Variants in GSG1L observed in about 807,000 individuals in gnomAD.
The protein encoded by GSG1L is GSG1 like.
In GSG1L, 24 loss-of-function variants were observed where a neutral mutation model predicts 42.1. The observed-to-expected ratio is 0.57, with a 90% CI of 0.41 to 0.80. The LOEUF is 0.80. Among genes scored for constraint, GSG1L ranks in the 30% least tolerant of loss-of-function variants. GSG1L has a pLI of 0.00. For synonymous variants in GSG1L, 215 were observed against 203.5 expected (o/e 1.06, Z -0.48); for missense variants, 445 against 472.2 (o/e 0.94, Z 0.53).
chr16:27,894,712 G>A (rs872929), intron 2 of GSG1L, among the ~76,000 whole-genome samples: 5 of 152,132 alleles, frequency 3.3e-5, no homozygotes. Context: ...AGAGGCCATG[G>A]AGAGCTGTAG....
chr16:27,994,701 T>C (rs1476136576), intron 1 of GSG1L, among the ~76,000 whole-genome samples: 1 of 152,146 alleles, frequency 6.6e-6, no homozygotes, highest in Admixed American at 6.5e-5. Flanking sequence ...AAAATCATAG[T>C]AGAAGATGAA....
chr16:28,022,335 GT>G (rs2085854055), intron 1 of GSG1L, among the ~76,000 whole-genome samples: 1 of 152,060 alleles, frequency 6.6e-6, no homozygotes, highest in African/African-American at 2.4e-5. Context: ...ACATGTTTTT[GT>G]TTTTTAGGAG....
At chr16:27,845,192 A>G (rs1458158954) in intron 3 of GSG1L, 131 bp from the exon 4 acceptor site, 1 of 585,770 alleles carries the variant, frequency 1.7e-6, no homozygotes, top group Non-Finnish European at 3.1e-6. Flanking sequence ...CCTCTGGGTA[A>G]GGGAGGTCAG....
chr16:27,917,643 G>A (rs1296382743), intron 2 of GSG1L, among the ~76,000 whole-genome samples: 1 of 152,178 alleles, frequency 6.6e-6, no homozygotes, highest in Non-Finnish European at 1.5e-5. Flanking sequence ...TCCCAAGGCA[G>A]TGGGGAAGTA....
At position 27,979,796 on chromosome 16, in the gene GSG1L, GGAAA is replaced by G. The variant is rs200495167; in HGVS notation, c.350-16597_350-16594del. Reference sequence around the variant, plus strand: ...AAAGAAAGAAAGAAAAAGAAAGAAAGGAAAGAAAGAAAGAAAGAAAAGAAAGAAA... The same window carrying G: ...AAAGAAAGAAAGAAAAAGAAAGAAAGGAAAGAAAGAAAGAAAAGAAAGAAA... On this transcript the variant is annotated intron_variant, in intron 1 of 6. Coordinates refer to ENST00000447459, the MANE Select transcript of GSG1L (RefSeq NM_001109763.2). Among the ~76,000 whole-genome samples the G allele has an allele frequency of 8.6e-3, 1,034 of 120,090 alleles. 9 individuals are homozygous for G. The highest frequency in any genetic ancestry group is 0.028 in the Middle Eastern group (6 of 218). The allele number at this position is 120,090 out of a possible 152,430, so 78.8% of individuals were successfully genotyped here.
intron 1 of GSG1L, among the ~76,000 whole-genome samples, chr16:28,026,214 A>G (rs1485115381): frequency 6.6e-6 from 1 of 152,148 alleles, no homozygotes; most frequent in African/African-American, 2.4e-5. Flanking sequence ...GTCTCGCAAG[A>G]TCTTGCAGGT....
chr16:27,825,606 A>T (rs1316747329), intron 5 of GSG1L, among the ~76,000 whole-genome samples: 1 of 152,134 alleles, frequency 6.6e-6, no homozygotes, highest in Non-Finnish European at 1.5e-5. Context: ...GGCTGCAGTG[A>T]GCTGTGCTTG....
At chr16:27,842,737 T>C (rs1476382578) in intron 4 of GSG1L, among the ~76,000 whole-genome samples, 2 of 152,154 alleles carry the variant, frequency 1.3e-5, no homozygotes, top group Admixed American at 6.5e-5. Context: ...AAGGATGGAA[T>C]TGAGCAGAGA....
At chr16:27,799,642 G>A (rs1274393743) in intron 6 of GSG1L, among the ~76,000 whole-genome samples, 1 of 152,162 alleles carries the variant, frequency 6.6e-6, no homozygotes, top group Non-Finnish European at 1.5e-5. Flanking sequence ...TGATGCAGGA[G>A]GGGAAGGCGA....
At chr16:27,996,668 T>G (rs1169664709) in intron 1 of GSG1L, among the ~76,000 whole-genome samples, 1 of 152,240 alleles carries the variant, frequency 6.6e-6, no homozygotes, top group Non-Finnish European at 1.5e-5. Flanking sequence ...TCTCTTGACA[T>G]TCTCCATCAG....
Position 27,816,817 on chromosome 16 carries a change from G to A in GSG1L, c.831-9263C>T, listed in dbSNP as rs577000469. On this transcript the variant is annotated intron_variant, in intron 5 of 6. Coordinates refer to ENST00000447459, the MANE Select transcript of GSG1L (RefSeq NM_001109763.2). ...CCCTGGAGCTAGAGCGAGTTTCCAC[G>A]GTACCCTGCCGACTCCCAGCAGGCA... Among the ~76,000 whole-genome samples, 36 of 152,226 alleles carry A rather than the reference G, an allele frequency of 2.4e-4. 1 individual carries two copies. The highest frequency in any genetic ancestry group is 8.5e-4 in the Admixed American group (13 of 15,292).
intron 5 of GSG1L, among the ~76,000 whole-genome samples, chr16:27,809,578 GA>G (rs33949097): frequency 0.18 from 25,593 of 145,890 alleles, 2,248 homozygotes; most frequent in Middle Eastern, 0.22. Flanking sequence ...CCCCGTCTGA[GA>G]AAAAAAAAAA....
intron 1 of GSG1L, among the ~76,000 whole-genome samples, chr16:28,018,431 T>C (rs1026739312): frequency 6.6e-6 from 1 of 152,136 alleles, no homozygotes; most frequent in Non-Finnish European, 1.5e-5. Context: ...ATAAGGGGCA[T>C]TCAGGATGGT....
At chr16:27,962,832 C>T (rs553981411) in intron 2 of GSG1L, among the ~76,000 whole-genome samples, 2 of 152,326 alleles carry the variant, frequency 1.3e-5, no homozygotes, top group African/African-American at 4.8e-5. Flanking sequence ...CAAACCCCAA[C>T]ACCAGTCTTG....
At chr16:28,004,136 G>C (rs1018901310) in intron 1 of GSG1L, among the ~76,000 whole-genome samples, 1 of 152,130 alleles carries the variant, frequency 6.6e-6, no homozygotes, top group African/African-American at 2.4e-5. Context: ...TGGTGAGTGG[G>C]GGCTGAGTTT....
intron 3 of GSG1L, among the ~76,000 whole-genome samples, chr16:27,879,458 T>TA (rs978685885): frequency 1.3e-5 from 2 of 151,990 alleles, no homozygotes; most frequent in African/African-American, 4.8e-5. Flanking sequence ...AATTAAAAAT[T>TA]AAAAAAATTA....
intron 1 of GSG1L, among the ~76,000 whole-genome samples, chr16:28,005,713 G>A (rs2085630218): frequency 6.6e-6 from 1 of 152,004 alleles, no homozygotes; most frequent in African/African-American, 2.4e-5. Flanking sequence ...CCTAAAATAG[G>A]CATAATAATA....
chr16:27,930,723 C>G (rs146381630), intron 2 of GSG1L, among the ~76,000 whole-genome samples: 14 of 152,216 alleles, frequency 9.2e-5, no homozygotes, highest in African/African-American at 2.9e-4. Context: ...CACAAATGCT[C>G]TTTTCTTTCT....
At chr16:28,042,786 CAT>C (rs1460422344) in intron 1 of GSG1L, among the ~76,000 whole-genome samples, 1 of 152,182 alleles carries the variant, frequency 6.6e-6, no homozygotes, top group Non-Finnish European at 1.5e-5. Context: ...TTCACGAAAG[CAT>C]GTGTTTGCGT....
Sources: gnomAD v4.1 joint callset for allele counts (sites outside exome capture counted in the v4.1 genomes callset) on GRCh38, gnomAD v4.1.1 for gene constraint, MANE v1.5 for transcripts, NCBI Gene and HGNC (gene_info 2026-07-23, HGNC 2026-07-21) for gene names.